NHERF1: variants seen among roughly 807,000 people sequenced by gnomAD.
NHERF1 encodes the protein Na(+)/H(+) exchange regulatory cofactor NHE-RF1.
the NHERF1 span, among the ~76,000 whole-genome samples, chr17:74,765,338 G>C: frequency 6.6e-6 from 1 of 151,882 alleles, no homozygotes; most frequent in Non-Finnish European, 1.5e-5. Flanking sequence ...TCGGCTCACA[G>C]CAACATCTGC....
the NHERF1 span, among the ~76,000 whole-genome samples, chr17:74,751,804 A>G: frequency 4.9e-4 from 74 of 152,314 alleles, no homozygotes; most frequent in African/African-American, 1.7e-3. This position sits in a 1 kb window ranked among gnomAD's most constrained non-coding sequence, Gnocchi z 4.3. Flanking sequence ...GGCCGGGCAG[A>G]GCCGAGCCAG....
the NHERF1 span, chr17:74,762,254 C>A: frequency 6.8e-7 from 1 of 1,461,020 alleles, no homozygotes; most frequent in Non-Finnish European, 9.4e-7. This position sits in a 1 kb window ranked among gnomAD's most constrained non-coding sequence, Gnocchi z 4.2. Flanking sequence ...ATCATACCAT[C>A]ATGGGCTTGA....
chr17:74,768,720 C>T, the NHERF1 span: 2,979 of 1,439,004 alleles, frequency 2.1e-3, 5 homozygotes, highest in Non-Finnish European at 2.8e-3. Flanking sequence ...CTTTTTCCTT[C>T]TCCCCAATTA....
the NHERF1 span, among the ~76,000 whole-genome samples, chr17:74,763,885 T>A: frequency 1.3e-5 from 2 of 152,192 alleles, no homozygotes; most frequent in Non-Finnish European, 2.9e-5. Context: ...AAGGGTTAAC[T>A]CCGGGGAGGC....
the NHERF1 span, among the ~76,000 whole-genome samples, chr17:74,752,896 G>C: frequency 2.3e-3 from 353 of 152,354 alleles, 2 homozygotes; most frequent in African/African-American, 8.1e-3. Flanking sequence ...CGCTGTCCTT[G>C]GCACATGGTA....
chr17:74,767,182 G>A, the NHERF1 span, among the ~76,000 whole-genome samples: 8 of 152,166 alleles, frequency 5.3e-5, no homozygotes, highest in Admixed American at 2.0e-4. Flanking sequence ...GGAGGGAGCG[G>A]GCTGGCTGGG....
the NHERF1 span, chr17:74,749,284 G>A: frequency 4.6e-6 from 7 of 1,529,016 alleles, no homozygotes; most frequent in Middle Eastern, 2.0e-4. The surrounding 1 kb of genome is among the most constrained non-coding windows in gnomAD (Gnocchi z 5.6). Context: ...GCCACCCGGA[G>A]CAGGTAAGCG....
chr17:74,752,706 C>A, the NHERF1 span, among the ~76,000 whole-genome samples: 1 of 152,172 alleles, frequency 6.6e-6, no homozygotes, highest in African/African-American at 2.4e-5. Flanking sequence ...GTTGCCCAGG[C>A]TGGTCTTGAA....
At chr17:74,760,253 A>G in the NHERF1 span, among the ~76,000 whole-genome samples, 1 of 152,124 alleles carries the variant, frequency 6.6e-6, no homozygotes, top group Admixed American at 6.6e-5. This position sits in a 1 kb window ranked among gnomAD's most constrained non-coding sequence, Gnocchi z 4.5. Flanking sequence ...TGACAGCCGA[A>G]CTAGCTGGGA....
At chr17:74,762,172 A>AG in the NHERF1 span, 1 of 1,613,940 alleles carries the variant, frequency 6.2e-7, no homozygotes, top group Non-Finnish European at 8.5e-7. The surrounding 1 kb of genome is among the most constrained non-coding windows in gnomAD (Gnocchi z 4.2). Flanking sequence ...CGCATTGTGG[A>AG]GGTGATGCTT....
the NHERF1 span, among the ~76,000 whole-genome samples, chr17:74,756,918 T>C: frequency 2.0e-5 from 3 of 152,174 alleles, no homozygotes; most frequent in African/African-American, 7.2e-5. Flanking sequence ...TCCTTGAAGG[T>C]TCTTAATAGC....
chr17:74,753,660 G>A, the NHERF1 span, among the ~76,000 whole-genome samples: 81 of 151,584 alleles, frequency 5.3e-4, no homozygotes, highest in Non-Finnish European at 9.0e-4. Flanking sequence ...AGGCTGAGGC[G>A]GGAGGATCGC....
the NHERF1 span, among the ~76,000 whole-genome samples, chr17:74,766,313 C>A: frequency 1.3e-5 from 2 of 152,102 alleles, no homozygotes; most frequent in Non-Finnish European, 1.5e-5. Flanking sequence ...TTTCCCACCT[C>A]AGCCTCCCAA....
chr17:74,754,371 ATTTCTTTCTTTC>A, the NHERF1 span, among the ~76,000 whole-genome samples: 69 of 128,020 alleles, frequency 5.4e-4, no homozygotes, highest in African/African-American at 7.5e-4. Flanking sequence ...GTTGACATGC[ATTTCTTTCTTTC>A]TTTCTTTCTT....
chr17:74,750,033 G>A, the NHERF1 span, among the ~76,000 whole-genome samples: 1 of 152,206 alleles, frequency 6.6e-6, no homozygotes, highest in South Asian at 2.1e-4. Flanking sequence ...GGGAGGGAAG[G>A]GGAAAGACCT....
At chr17:74,749,379 C>A in the NHERF1 span, 1 of 1,258,610 alleles carries the variant, frequency 7.9e-7, no homozygotes, top group Non-Finnish European at 1.1e-6. This position sits in a 1 kb window ranked among gnomAD's most constrained non-coding sequence, Gnocchi z 5.6. Context: ...CCGCGCCCGC[C>A]GTCGTTTTTC....
chr17:74,748,786 G>A, the NHERF1 span: 1 of 1,425,456 alleles, frequency 7.0e-7, no homozygotes, highest in Non-Finnish European at 9.6e-7. This position sits in a 1 kb window ranked among gnomAD's most constrained non-coding sequence, Gnocchi z 4.3. Context: ...GAAGGGCTGG[G>A]CCGTCCCGTC....
At chr17:74,768,942 C>G in the NHERF1 span, 2 of 466,856 alleles carry the variant, frequency 4.3e-6, no homozygotes, top group Admixed American at 3.6e-5. Flanking sequence ...TCGCTGGAAC[C>G]TGCACCATGC....
the NHERF1 span, among the ~76,000 whole-genome samples, chr17:74,756,273 CTT>C: frequency 1.4e-5 from 1 of 72,016 alleles, no homozygotes; most frequent in African/African-American, 5.7e-5. Context: ...TTCTTTCTTT[CTT>C]TTTTTTTTTT....
Sources: allele counts gnomAD v4.1 joint callset (sites outside exome capture counted in the v4.1 genomes callset), GRCh38; gene constraint gnomAD v4.1.1; non-coding constraint Gnocchi (gnomAD v3.1); transcripts MANE v1.5; gene names NCBI Gene and HGNC (gene_info 2026-07-23, HGNC 2026-07-21).